Variants in ASPSCR1 observed in about 807,000 individuals in gnomAD.
ASPSCR1 encodes the protein tether containing UBX domain for GLUT4.
In ASPSCR1, 55 loss-of-function variants were observed where a neutral mutation model predicts 68.9. The observed-to-expected ratio is 0.80, with a 90% CI of 0.64 to 1.00. ASPSCR1 has a LOEUF of 1.00. Ranked by LOEUF, ASPSCR1 falls within the 50% of genes least tolerant of loss-of-function variation. The probability of loss-of-function intolerance (pLI) is 0.00; values close to 1 mark genes in which losing one functional copy is unlikely to be tolerated. For missense variants in ASPSCR1, 765 were observed against 762.2 expected, an observed-to-expected ratio of 1.00 and a Z score of -0.04; for synonymous variants, 352 against 332.6, an observed-to-expected ratio of 1.06 and a Z score of -0.63.
In ASPSCR1 at chr17:81,979,173, C is replaced by G; in HGVS notation, c.103-11C>G. ...ACTCAGCAGTTCACCATCCTTTCAT[C>G]TCACCCCCAGGTTCTGGAGGACACG... On this transcript the variant is annotated splice_polypyrimidine_tract_variant and intron_variant, in intron 1 of 15. Coordinates refer to ENST00000306739, the MANE Select transcript of ASPSCR1 (RefSeq NM_024083.4). The G allele has an allele frequency of 6.2e-7, 1 of 1,614,002 alleles. No individual in the cohort carries two copies. Among genetic ancestry groups the G allele is most frequent in the African/African-American group, 1.3e-5 (1 of 75,064 alleles).
chr17:82,011,184 G>A (rs1459675574), intron 10 of ASPSCR1, among the ~76,000 whole-genome samples: 1 of 152,172 alleles, frequency 6.6e-6, no homozygotes, highest in African/African-American at 2.4e-5. Flanking sequence ...CCCGGGAGGA[G>A]GGCAGTGGTG....
intron 10 of ASPSCR1, 65 bp downstream of exon 10, chr17:82,010,933 T>C: frequency 6.4e-7 from 1 of 1,565,604 alleles, no homozygotes; most frequent in Non-Finnish European, 8.7e-7. Flanking sequence ...TCCCGGCTCC[T>C]TCCTTCCAGG....
Position 81,999,266 on chromosome 17 carries a change from G to C in ASPSCR1, c.933+2420G>C, listed in dbSNP as rs1050327942. On this transcript the variant is annotated intron_variant, in intron 7 of 15. Coordinates refer to ENST00000306739, the MANE Select transcript of ASPSCR1 (RefSeq NM_024083.4). The surrounding 1 kb of genome is among the most constrained non-coding windows in gnomAD (Gnocchi z 4.4). ...CCCAGGGGCCAGGTCAGAGCTTCTT[G>C]AGCTCCTGCTGACGTAGTGGGCCTG... is the stretch of plus-strand genomic sequence containing the variant. Among the ~76,000 whole-genome samples the C allele has an allele frequency of 1.3e-5, 2 of 152,220 alleles. No homozygotes were observed. The highest frequency in any genetic ancestry group is 2.9e-5 in the Non-Finnish European group (2 of 68,036).
rs528005910 is a variant in ASPSCR1, at chr17:81,999,563, G to A, written c.933+2717G>A. Among the ~76,000 whole-genome samples the A allele has an allele frequency of 4.6e-5, 7 of 151,448 alleles. No individual in the cohort carries two copies. The South Asian group carries it at 1.5e-3, about 32-fold the overall frequency. ...AATCTCTTGAACCCGGGAGGCGGAGGTTGCAGTGAGCCGAGATCGTGCCAC... is the reference window on the plus strand; with the variant it reads ...AATCTCTTGAACCCGGGAGGCGGAGATTGCAGTGAGCCGAGATCGTGCCAC... On this transcript the variant is annotated intron_variant, in intron 7 of 15. Transcript: ENST00000306739. The surrounding 1 kb of genome is among the most constrained non-coding windows in gnomAD (Gnocchi z 4.4).
chr17:81,997,715 T>C (rs569551920), intron 7 of ASPSCR1, among the ~76,000 whole-genome samples: 2 of 151,988 alleles, frequency 1.3e-5, no homozygotes, highest in Non-Finnish European at 2.9e-5. Flanking sequence ...GGTCTCAATC[T>C]CTTGACCTTG....
chr17:82,009,922 T>G (rs906528878), intron 9 of ASPSCR1: 4 of 255,344 alleles, frequency 1.6e-5, no homozygotes, highest in African/African-American at 9.5e-5. Flanking sequence ...AACCTTTTTT[T>G]TTTTTTGAGA....
chr17:82,009,411 G>A, intron 8 of ASPSCR1, 75 bp from the exon 9 acceptor site: 2 of 1,461,932 alleles, frequency 1.4e-6, no homozygotes, highest in African/African-American at 1.4e-5. Flanking sequence ...GGAGGGTGCA[G>A]GTGAGGAGCC....
chr17:81,993,312 C>T (rs2042231066), intron 4 of ASPSCR1, among the ~76,000 whole-genome samples: 1 of 152,116 alleles, frequency 6.6e-6, no homozygotes, highest in African/African-American at 2.4e-5. Context: ...CTCCTGGGTT[C>T]ACGCCATTCT....
intron 2 of ASPSCR1, among the ~76,000 whole-genome samples, chr17:81,979,759 A>C (rs768079151): frequency 6.6e-6 from 1 of 152,098 alleles, no homozygotes; most frequent in Non-Finnish European, 1.5e-5. Flanking sequence ...CCGTGGAGAA[A>C]TAGGATGCCT....
rs1414359049 is a variant in ASPSCR1 at position 81,990,646 on chromosome 17, G to C, written c.375-4175G>C. The stretch of plus-strand genomic sequence containing the variant: ...GTCTAGTTTGAGATCTTTATTACGG[G>C]GAGTGTGCCTTCCGTGATAGGAGAC... On this transcript the variant is annotated intron_variant, in intron 4 of 15. Transcript: ENST00000306739. The surrounding 1 kb of genome is among the most constrained non-coding windows in gnomAD (Gnocchi z 4.1). Among the ~76,000 whole-genome samples the C allele has an allele frequency of 6.6e-6, 1 of 152,182 alleles. No individual in the cohort carries two copies. The highest frequency in any genetic ancestry group is 1.5e-5 in the Non-Finnish European group (1 of 68,028).
chr17:81,995,954 G>A (rs535432773), intron 5 of ASPSCR1, 38 bp from the exon 6 acceptor site: 20 of 1,594,160 alleles, frequency 1.3e-5, no homozygotes, highest in South Asian at 1.0e-4. Context: ...CTGGGGTCCC[G>A]GTGCAAGGCG....
At chr17:81,988,801 C>G (rs571399699) in intron 4 of ASPSCR1, among the ~76,000 whole-genome samples, 1 of 152,118 alleles carries the variant, frequency 6.6e-6, no homozygotes, top group East Asian at 1.9e-4. Flanking sequence ...CAGGGCATCC[C>G]GGGCAGGGTT....
At chr17:82,010,087 GTTTT>G in intron 9 of ASPSCR1, 4 of 265,886 alleles carry the variant, frequency 1.5e-5, no homozygotes, top group Non-Finnish European at 2.2e-5. Flanking sequence ...AATTTTTGTT[GTTTT>G]TTTTTTTTTT....
Position 81,994,331 on chromosome 17 carries a change from TGACATCAGGCGTCGGCTTTGAAGGAG to T in ASPSCR1, c.375-478_375-453del, listed in dbSNP as rs2042266553. Among the ~76,000 whole-genome samples, 6 of 152,278 alleles carry T rather than the reference TGACATCAGGCGTCGGCTTTGAAGGAG, an allele frequency of 3.9e-5. No homozygotes were observed. The South Asian group carries it at 1.2e-3, about 32-fold the overall frequency. On this transcript the variant is annotated intron_variant, in intron 4 of 15. Coordinates refer to ENST00000306739, the MANE Select transcript of ASPSCR1 (RefSeq NM_024083.4). ...CAGCGCCCCTCCCTCCATGCTTCGG[TGACATCAGGCGTCGGCTTTGAAGGAG>T]GACATCAGGCGGTGGAGACAGGGGC... is the stretch of plus-strand genomic sequence containing the variant.
intron 2 of ASPSCR1, among the ~76,000 whole-genome samples, chr17:81,981,195 C>G (rs980255174): frequency 7.9e-5 from 12 of 151,928 alleles, no homozygotes; most frequent in Admixed American, 3.3e-4. Context: ...AGATACCAGC[C>G]CAGGGGTCTT....
At position 81,999,041 on chromosome 17, in the gene ASPSCR1, G is replaced by A. The variant is rs140464637; in HGVS notation, c.933+2195G>A. ...GTCCCTGTCCTGACCCCGCATCAGAGCCCTGCACCTGGGCTGCTGAAACCT... is the reference window on the plus strand; with the variant it reads ...GTCCCTGTCCTGACCCCGCATCAGAACCCTGCACCTGGGCTGCTGAAACCT... On this transcript the variant is annotated intron_variant, in intron 7 of 15. Transcript: ENST00000306739. The surrounding 1 kb of genome is among the most constrained non-coding windows in gnomAD (Gnocchi z 4.4). 1.8e-4 allele frequency among the ~76,000 whole-genome samples: 28 copies of A among 152,382 alleles called. No individual in the cohort carries two copies. Among genetic ancestry groups the A allele is most frequent in the African/African-American group, 6.3e-4 (26 of 41,598 alleles).
At chr17:81,994,714 G>C in intron 4 of ASPSCR1, 107 bp from the exon 5 acceptor site, 1 of 1,163,124 alleles carries the variant, frequency 8.6e-7, no homozygotes, top group Non-Finnish European at 1.3e-6. Context: ...GGTGGGTGCT[G>C]GGTGAGGGCC....
At chr17:82,012,037 C>T in intron 11 of ASPSCR1, 194 bp from the exon 12 acceptor site, 1 of 723,012 alleles carries the variant, frequency 1.4e-6, no homozygotes, top group South Asian at 1.6e-5. Context: ...TGCAGGTGGG[C>T]CTGCCCCCCA....
chr17:81,983,897 G>A lies in ASPSCR1; in HGVS notation c.273+229G>A, dbSNP rs902504444. Among the ~76,000 whole-genome samples, 9 of 150,144 alleles carry A rather than the reference G, an allele frequency of 6.0e-5. No individual in the cohort carries two copies. The South Asian group carries it at 1.1e-3, about 18-fold the overall frequency. ...TTTTGAGCTGGAGTCTCGCTCTGTCGCCCAGGCTGGAGCTCAGTGGCGCAG... is the reference window on the plus strand; with the variant it reads ...TTTTGAGCTGGAGTCTCGCTCTGTCACCCAGGCTGGAGCTCAGTGGCGCAG... On this transcript the variant is annotated intron_variant, in intron 3 of 15. Transcript: ENST00000306739. The surrounding 1 kb of genome is among the most constrained non-coding windows in gnomAD (Gnocchi z 4.4).
Sources: gnomAD v4.1 joint callset for allele counts (sites outside exome capture counted in the v4.1 genomes callset) on GRCh38, gnomAD v4.1.1 for gene constraint, Gnocchi (gnomAD v3.1) non-coding constraint, MANE v1.5 for transcripts, NCBI Gene and HGNC (gene_info 2026-07-23, HGNC 2026-07-21) for gene names.